Variants in PPIH observed in about 807,000 individuals in gnomAD.
PPIH encodes peptidyl-prolyl cis-trans isomerase H.
In PPIH, 16 loss-of-function variants were observed where a neutral mutation model predicts 27.6. The ratio of observed to expected loss-of-function variants is 0.58; its 90% CI spans 0.39 to 0.88. The LOEUF (loss-of-function observed/expected upper bound fraction) is 0.88. PPIH is among the 40% of genes least tolerant of loss of function. PPIH has a pLI of 0.00. For missense variants in PPIH, 155 were observed against 224.1 expected (o/e 0.69, Z 1.97); for synonymous variants, 63 against 76.1 (o/e 0.83, Z 0.90).
chr1:42,659,782 T>C (rs1466611796), intron 4 of PPIH, among the ~76,000 whole-genome samples: 3 of 152,230 alleles, frequency 2.0e-5, no homozygotes, highest in African/African-American at 4.8e-5. Context: ...ATCTTTACAA[T>C]ATCTTGTCTT....
In PPIH at chr1:42,669,514, C is replaced by T. The variant is rs544590633; in HGVS notation, c.*21+2074C>T. On this transcript the variant is annotated intron_variant, in intron 9 of 9. Coordinates refer to ENST00000304979, the MANE Select transcript of PPIH (RefSeq NM_006347.4). Reference sequence around the variant, plus strand: ...GTTTCATCATGTTGGCCAGGCTGGTCCCCACCTCAAGTGGTCTGCCCACCT... The same window carrying T: ...GTTTCATCATGTTGGCCAGGCTGGTTCCCACCTCAAGTGGTCTGCCCACCT... Among the ~76,000 whole-genome samples the T allele has an allele frequency of 2.0e-5, 3 of 152,284 alleles. No homozygotes were observed. In the South Asian group the frequency reaches 6.2e-4, roughly 32 times the overall value.
At chr1:42,661,295 A>G (rs56099828) in intron 5 of PPIH, among the ~76,000 whole-genome samples, 1 of 152,130 alleles carries the variant, frequency 6.6e-6, no homozygotes, top group African/African-American at 2.4e-5. Flanking sequence ...AGTGGGCTAA[A>G]TGCTTGTTTC....
In PPIH at chr1:42,659,155, C is replaced by T; in HGVS notation, c.132-73C>T. ...GGACTTGCTGGCTCCAGTGTTTATT[C>T]TTTCCCGTATTTAGAGGCGCTCACG... On this transcript the variant is annotated intron_variant, in intron 2 of 9. Coordinates refer to ENST00000304979, the MANE Select transcript of PPIH (RefSeq NM_006347.4). 2 of 1,597,878 alleles carry T rather than the reference C, an allele frequency of 1.3e-6. 1 individual carries two copies. The highest frequency in any genetic ancestry group is 2.3e-5 in the South Asian group (2 of 88,728).
downstream of PPIH, chr1:42,681,272 C>T (rs1650010036): frequency 6.6e-6 from 1 of 151,784 alleles, no homozygotes; most frequent in Non-Finnish European, 1.5e-5. Flanking sequence ...TACTGAACTA[C>T]TTGACTGCAT....
At chr1:42,666,398 G>A in intron 7 of PPIH, 149 bp from the exon 8 acceptor site, 1 of 757,934 alleles carries the variant, frequency 1.3e-6, no homozygotes, top group Non-Finnish European at 2.2e-6. Context: ...TATTACCTAT[G>A]ACCTTGAGCA....
intron 9 of PPIH, among the ~76,000 whole-genome samples, chr1:42,674,899 C>G (rs1032555021): frequency 6.6e-6 from 1 of 152,220 alleles, no homozygotes; most frequent in Non-Finnish European, 1.5e-5. Flanking sequence ...TGGCTCCAGT[C>G]CATTCCAGTC....
chr1:42,671,057 A>G (rs1649607860), intron 9 of PPIH, among the ~76,000 whole-genome samples: 1 of 152,122 alleles, frequency 6.6e-6, no homozygotes, highest in Non-Finnish European at 1.5e-5. Context: ...TGGCCTCCCA[A>G]AGTGCTGGGA....
intron 9 of PPIH, among the ~76,000 whole-genome samples, chr1:42,670,784 TTTTATTTTTTA>T (rs1190643607): frequency 3.3e-5 from 5 of 152,122 alleles, no homozygotes; most frequent in South Asian, 2.1e-4. Context: ...ACTGTTAACT[TTTTATTTTTTA>T]TTTATTTTTT....
chr1:42,680,330 G>C (rs1649986188), downstream of PPIH, among the ~76,000 whole-genome samples: 1 of 152,154 alleles, frequency 6.6e-6, no homozygotes, highest in African/African-American at 2.4e-5. Flanking sequence ...CTTGTCATCT[G>C]ATACACTGAA....
Position 42,667,494 on chromosome 1 carries a change from A to G in PPIH, c.*21+54A>G, listed in dbSNP as rs909194419. The stretch of plus-strand genomic sequence containing the variant: ...GGAATCAGACCTCAGAGAAGGCAGC[A>G]TGGTCTAGTGGAAAGAACTTTAGTC... On this transcript the variant is annotated intron_variant, in intron 9 of 9. Coordinates refer to ENST00000304979, the MANE Select transcript of PPIH (RefSeq NM_006347.4). 9.0e-6 allele frequency: 13 copies of G among 1,436,680 alleles called. No homozygotes were observed. In the East Asian group the frequency reaches 1.2e-4, roughly 13 times the overall value. 89.0% of individuals were successfully genotyped at this position (1,436,680 alleles called of 1,614,324 possible).
At chr1:42,662,924 GTCT>G (rs1409211621) in intron 5 of PPIH, among the ~76,000 whole-genome samples, 1 of 152,068 alleles carries the variant, frequency 6.6e-6, no homozygotes, top group African/African-American at 2.4e-5. Flanking sequence ...TTGTCGTTAT[GTCT>G]TCTAAAACAT....
At chr1:42,663,329 G>C (rs1317875326) in intron 5 of PPIH, among the ~76,000 whole-genome samples, 1 of 152,056 alleles carries the variant, frequency 6.6e-6, no homozygotes, top group African/African-American at 2.4e-5. Flanking sequence ...CTTGATAGAT[G>C]AGGAAATTGA....
chr1:42,670,569 A>G (rs1378320131), intron 9 of PPIH, among the ~76,000 whole-genome samples: 1 of 151,768 alleles, frequency 6.6e-6, no homozygotes, highest in Non-Finnish European at 1.5e-5. Context: ...TTTTGCTTCC[A>G]AGAAAGCCCT....
chr1:42,659,358 A>G, intron 3 of PPIH, 107 bp downstream of exon 3: 1 of 1,614,126 alleles, frequency 6.2e-7, no homozygotes, highest in Non-Finnish European at 8.5e-7. Context: ...ATTGCTGGTG[A>G]CAGTGATAGA....
chr1:42,662,623 A>G (rs574027989), intron 5 of PPIH, among the ~76,000 whole-genome samples: 1 of 152,232 alleles, frequency 6.6e-6, no homozygotes, highest in South Asian at 2.1e-4. Flanking sequence ...AAGAGTCAGA[A>G]AAATCAGAAT....
intron 5 of PPIH, among the ~76,000 whole-genome samples, chr1:42,664,461 C>A (rs1420331803): frequency 6.6e-6 from 1 of 152,168 alleles, no homozygotes; most frequent in Non-Finnish European, 1.5e-5. Flanking sequence ...CTCACCCACC[C>A]TCTTAGATAG....
At chr1:42,660,590 C>A (rs1193873011) in intron 4 of PPIH, among the ~76,000 whole-genome samples, 2 of 152,092 alleles carry the variant, frequency 1.3e-5, no homozygotes, top group African/African-American at 4.8e-5. Flanking sequence ...CCACCACGCT[C>A]GGCTAATTTT....
chr1:42,677,660 C>A (rs979774605), downstream of PPIH, among the ~76,000 whole-genome samples: 6 of 152,096 alleles, frequency 3.9e-5, no homozygotes, highest in Admixed American at 2.0e-4. Context: ...AACAAACAAA[C>A]AACAGCAACA....
rs753695729 is a variant in PPIH, at chr1:42,658,509, T to G, written c.63T>G (p.Gly21=). ...TGTTCTTTGATGTCAGTATTGGCGG[T>G]CAGGTGAGATCCAGGAGGCTGCCCA... is the stretch of plus-strand genomic sequence containing the variant. ...PVVFFDVSIG[G]QEVGRMKIEL... Residue 21 remains glycine, a synonymous_variant, in exon 1 of 10, where the codon GGT becomes GGG. Transcript: ENST00000304979. 6.2e-7 allele frequency: 1 copy of G among 1,613,712 alleles called. No individual in the cohort carries two copies. The highest frequency in any genetic ancestry group is 1.1e-5 in the South Asian group (1 of 91,076).
Sources: allele counts gnomAD v4.1 joint callset (sites outside exome capture counted in the v4.1 genomes callset), GRCh38; gene constraint gnomAD v4.1.1; transcripts MANE v1.5; gene names NCBI Gene and HGNC (gene_info 2026-07-23, HGNC 2026-07-21).